TRDN: variants seen among roughly 807,000 people sequenced by gnomAD.
The protein encoded by TRDN is triadin in skeletal muscle.
A neutral mutation model predicts 149.7 loss-of-function variants in TRDN; 161 were observed. The ratio of observed to expected loss-of-function variants is 1.08; its 90% CI spans 0.95 to 1.23. The LOEUF (loss-of-function observed/expected upper bound fraction) is 1.23. TRDN is among the 50% of genes most tolerant of loss of function. The probability of loss-of-function intolerance (pLI) is 0.00; values close to 1 mark genes in which losing one functional copy is unlikely to be tolerated. For synonymous variants in TRDN, 294 were observed against 250.5 expected (o/e 1.17, Z -1.64); for missense variants, 896 against 823.5 (o/e 1.09, Z -1.08).
chr6:123,354,176 G>C (rs1780572408), intron 20 of TRDN, among the ~76,000 whole-genome samples: 1 of 151,732 alleles, frequency 6.6e-6, no homozygotes, highest in South Asian at 2.1e-4. Flanking sequence ...GTTATTCTAA[G>C]GGATTATGTG....
chr6:123,320,114 C>T (rs1779186723), intron 23 of TRDN, among the ~76,000 whole-genome samples: 1 of 149,664 alleles, frequency 6.7e-6, no homozygotes, highest in East Asian at 1.9e-4. Context: ...AAGGCAAAAG[C>T]TAAATATCAT....
chr6:123,308,773 A>G (rs1350881898), intron 24 of TRDN, among the ~76,000 whole-genome samples: 1 of 152,040 alleles, frequency 6.6e-6, no homozygotes, highest in Non-Finnish European at 1.5e-5. Flanking sequence ...AAACAGTTTG[A>G]TGATTACAAA....
intron 10 of TRDN, among the ~76,000 whole-genome samples, chr6:123,458,028 A>T (rs113420672): frequency 4.7e-4 from 72 of 152,280 alleles, no homozygotes; most frequent in African/African-American, 1.6e-3. Context: ...CTTACAGTTG[A>T]TCCTTTAGTT....
At position 123,216,360 on chromosome 6, in the gene TRDN, T is replaced by C. The variant is rs1671990038; in HGVS notation, c.*2241A>G. On this transcript the variant is annotated 3_prime_UTR_variant, in exon 41 of 41. Transcript: ENST00000334268. The stretch of plus-strand genomic sequence containing the variant: ...AAACTTGGAAGATCTATAACTATTT[T>C]ATTAGACGGTAATATATAAACAAAT... The C allele has an allele frequency of 6.6e-6, 1 of 151,986 alleles. No homozygotes were observed. The highest frequency in any genetic ancestry group is 1.5e-5 in the Non-Finnish European group (1 of 67,940). 9.4% of individuals were successfully genotyped at this position (151,986 alleles called of 1,614,324 possible). A position where few individuals can be genotyped will look rare whatever the true frequency, so the allele number is the denominator to read the frequency against.
chr6:123,621,180 G>C (rs1219516506), intron 1 of TRDN, among the ~76,000 whole-genome samples: 1 of 152,092 alleles, frequency 6.6e-6, no homozygotes, highest in Non-Finnish European at 1.5e-5. Flanking sequence ...TTGCTATACG[G>C]TGAGGATTAC....
At chr6:123,619,804 A>C (rs1187143946) in intron 1 of TRDN, among the ~76,000 whole-genome samples, 1 of 152,124 alleles carries the variant, frequency 6.6e-6, no homozygotes, top group African/African-American at 2.4e-5. Context: ...GAGAAGAAAA[A>C]GGAAAAGGTG....
At chr6:123,453,664 A>C (rs1170295091) in intron 10 of TRDN, among the ~76,000 whole-genome samples, 1 of 152,212 alleles carries the variant, frequency 6.6e-6, no homozygotes, top group Non-Finnish European at 1.5e-5. Context: ...GTGGGGATGT[A>C]AACTAGTACA....
At chr6:123,250,143 G>T (rs1448909370) in intron 38 of TRDN, among the ~76,000 whole-genome samples, 2 of 152,042 alleles carry the variant, frequency 1.3e-5, no homozygotes, top group Non-Finnish European at 2.9e-5. Context: ...TCAAGAAAAA[G>T]AAAGATCTCT....
intron 23 of TRDN, among the ~76,000 whole-genome samples, chr6:123,326,773 C>T (rs1024185276): frequency 2.6e-5 from 4 of 151,998 alleles, no homozygotes; most frequent in African/African-American, 9.7e-5. Flanking sequence ...ATTATTTGGT[C>T]ATTTGCTCAA....
At position 123,544,244 on chromosome 6, in the gene TRDN, CAT is replaced by C. The variant is rs1437016062; in HGVS notation, c.424+3094_424+3095del. Among the ~76,000 whole-genome samples, 409 of 102,106 alleles carry C rather than the reference CAT, an allele frequency of 4.0e-3. 2 individuals are homozygous for C. Among genetic ancestry groups the C allele is most frequent in the African/African-American group, 0.016 (386 of 24,788 alleles). 67.0% of individuals were successfully genotyped at this position (102,106 alleles called of 152,430 possible). The stretch of plus-strand genomic sequence containing the variant: ...TTGAGAAGCCTTATGCACATCTGTA[CAT>C]ACACACACACACACACACACACACA... On this transcript the variant is annotated intron_variant, in intron 4 of 40. Transcript: ENST00000334268.
chr6:123,559,018 C>G (rs541677824), intron 2 of TRDN, among the ~76,000 whole-genome samples: 1 of 152,238 alleles, frequency 6.6e-6, no homozygotes, highest in African/African-American at 2.4e-5. Context: ...CGGACTCACC[C>G]GGCAGCCACT....
At chr6:123,614,731 G>A (rs1444211142) in intron 1 of TRDN, among the ~76,000 whole-genome samples, 1 of 151,910 alleles carries the variant, frequency 6.6e-6, no homozygotes, top group African/African-American at 2.4e-5. Flanking sequence ...TTAAGGCAAT[G>A]GTCTGGGAAA....
At chr6:123,263,046 G>A (rs1428198633) in intron 33 of TRDN, among the ~76,000 whole-genome samples, 2 of 152,076 alleles carry the variant, frequency 1.3e-5, no homozygotes, top group Non-Finnish European at 2.9e-5. Flanking sequence ...TAAGTTTAGT[G>A]AGAAAGGCAT....
chr6:123,342,680 A>T (rs1186032210), intron 21 of TRDN, among the ~76,000 whole-genome samples: 1 of 152,014 alleles, frequency 6.6e-6, no homozygotes, highest in Non-Finnish European at 1.5e-5. Flanking sequence ...ATTGGAATGG[A>T]AAATTTGAAC....
intron 1 of TRDN, among the ~76,000 whole-genome samples, chr6:123,629,199 C>A (rs1228621600): frequency 6.6e-6 from 1 of 152,092 alleles, no homozygotes; most frequent in African/African-American, 2.4e-5. Context: ...CCCCTAATCA[C>A]ATGATAATTT....
chr6:123,242,268 G>T (rs903321893), intron 38 of TRDN, among the ~76,000 whole-genome samples: 6 of 152,094 alleles, frequency 3.9e-5, no homozygotes, highest in African/African-American at 1.4e-4. Context: ...TAGAGAAAAA[G>T]TTTTCAAAAA....
intron 2 of TRDN, among the ~76,000 whole-genome samples, chr6:123,552,827 C>T (rs1233597641): frequency 6.6e-6 from 1 of 152,092 alleles, no homozygotes; most frequent in Non-Finnish European, 1.5e-5. Flanking sequence ...TTAACTTTTG[C>T]CATGTCTATA....
chr6:123,387,248 C>T (rs184793032), intron 14 of TRDN, among the ~76,000 whole-genome samples: 23 of 152,110 alleles, frequency 1.5e-4, no homozygotes, highest in South Asian at 2.1e-4. Context: ...CTTTTATTTA[C>T]GTAGCTTCTT....
chr6:123,301,785 A>ATATG (rs1327403699), intron 24 of TRDN, among the ~76,000 whole-genome samples: 3 of 98,938 alleles, frequency 3.0e-5, no homozygotes, highest in Non-Finnish European at 4.5e-5. Context: ...ATATATATAT[A>ATATG]TACATAAATG....
Sources: gnomAD v4.1 joint callset for allele counts (sites outside exome capture counted in the v4.1 genomes callset) on GRCh38, gnomAD v4.1.1 for gene constraint, MANE v1.5 for transcripts, NCBI Gene and HGNC (gene_info 2026-07-23, HGNC 2026-07-21) for gene names.